Variants in DSCAML1 observed in about 807,000 individuals in gnomAD.
DSCAML1 encodes the protein cell adhesion molecule DSCAML1.
In DSCAML1, 38 loss-of-function variants were observed where a neutral mutation model predicts 200.5. That is an observed-to-expected ratio of 0.19 (90% CI 0.15 to 0.25). DSCAML1 has a LOEUF of 0.25. DSCAML1 is among the 10% of genes least tolerant of loss of function. DSCAML1 has a pLI of 1.00. For synonymous variants in DSCAML1, 1,215 were observed against 1,165.0 expected (o/e 1.04, Z -0.87); for missense variants, 2,223 against 2,858.8 (o/e 0.78, Z 5.07).
chr11:117,736,178 T>C (rs1226710477), intron 3 of DSCAML1, among the ~76,000 whole-genome samples: 8 of 152,198 alleles, frequency 5.3e-5, no homozygotes. Flanking sequence ...GTTTAGGGTC[T>C]CTCATGAGAC....
chr11:117,776,853 G>A lies in DSCAML1; in HGVS notation c.449C>T (p.Ser150Phe). 1.2e-6 allele frequency: 2 copies of A among 1,614,208 alleles called. No homozygotes were observed. Among genetic ancestry groups the A allele is most frequent in the Non-Finnish European group, 1.7e-6 (2 of 1,180,040 alleles). Reference protein sequence around the residue: ...NVAVFKCLIPSSVQEYVSVVS... With the variant: ...NVAVFKCLIPFSVQEYVSVVS... ...AACGCTAACATATTCCTGCACTGAA[G>A]AGGGGATGAGGCACTTGAAGACGGC... The change falls in exon 3 of 33, where the codon TCT (serine) becomes TTT (phenylalanine). Residue 150 changes from serine to phenylalanine, a missense_variant. By Grantham distance (155) the Ser-to-Phe change is radical. Around this residue, in one of 7 missense-constraint regions of DSCAML1, gnomAD observed 579 missense variants for 721.5 expected, o/e 0.80. Coordinates refer to ENST00000651296, the MANE Select transcript of DSCAML1 (RefSeq NM_020693.4).
rs2049186123 is a variant in DSCAML1, at chr11:117,491,745, G to T, written c.2360-9583C>A. Among the ~76,000 whole-genome samples, 6 of 152,324 alleles carry T rather than the reference G, an allele frequency of 3.9e-5. No homozygotes were observed. The South Asian group carries it at 1.2e-3, about 32-fold the overall frequency. On this transcript the variant is annotated intron_variant, in intron 11 of 32. Transcript: ENST00000651296. The stretch of plus-strand genomic sequence containing the variant: ...GCTGAGGTTGCACCACTGCACTCCA[G>T]CCTGTACAACAGAGTGAGACTCTGT...
At chr11:117,490,290 T>G (rs1014860943) in intron 11 of DSCAML1, among the ~76,000 whole-genome samples, 2 of 152,180 alleles carry the variant, frequency 1.3e-5, no homozygotes, top group Non-Finnish European at 2.9e-5. Flanking sequence ...CTGTCACCCC[T>G]GAGGTCCTGC....
intron 3 of DSCAML1, among the ~76,000 whole-genome samples, chr11:117,748,757 G>C (rs1295734913): frequency 7.9e-5 from 12 of 152,194 alleles, no homozygotes; most frequent in Admixed American, 7.9e-4. Context: ...CCTGCTCAGG[G>C]AGACCTGACC....
intron 1 of DSCAML1, among the ~76,000 whole-genome samples, chr11:117,796,588 T>C (rs901448685): frequency 1.3e-5 from 2 of 152,120 alleles, no homozygotes; most frequent in African/African-American, 2.4e-5. Flanking sequence ...CGCACGGACA[T>C]AGCGGAGGAA....
intron 3 of DSCAML1, among the ~76,000 whole-genome samples, chr11:117,639,896 TG>T (rs931696839): frequency 1.3e-5 from 2 of 151,366 alleles, no homozygotes; most frequent in African/African-American, 4.8e-5. Flanking sequence ...CGCCAATGCC[TG>T]GCCTTTATGT....
At chr11:117,687,894 C>T (rs949637796) in intron 3 of DSCAML1, among the ~76,000 whole-genome samples, 1 of 152,106 alleles carries the variant, frequency 6.6e-6, no homozygotes, top group Non-Finnish European at 1.5e-5. Flanking sequence ...TGGATCTGAC[C>T]ACATTTGTCC....
intron 4 of DSCAML1, among the ~76,000 whole-genome samples, chr11:117,531,830 T>C (rs1299837894): frequency 2.6e-5 from 4 of 151,070 alleles, no homozygotes; most frequent in Non-Finnish European, 5.9e-5. Context: ...AAGTTACAGT[T>C]AGCCAAGATC....
chr11:117,530,727 C>CA (rs1303809794), intron 4 of DSCAML1, among the ~76,000 whole-genome samples: 3 of 152,042 alleles, frequency 2.0e-5, no homozygotes, highest in East Asian at 3.9e-4. Flanking sequence ...TGGGTCAGGG[C>CA]AGAGCTCATC....
intron 3 of DSCAML1, among the ~76,000 whole-genome samples, chr11:117,543,216 A>T (rs531713925): frequency 6.6e-6 from 1 of 152,324 alleles, no homozygotes; most frequent in East Asian, 1.9e-4. Flanking sequence ...TCCTGCCATG[A>T]TCAGTTGCCA....
intron 3 of DSCAML1, among the ~76,000 whole-genome samples, chr11:117,547,807 A>C (rs1245476227): frequency 6.6e-6 from 1 of 152,162 alleles, no homozygotes. Flanking sequence ...TATTTTTCTC[A>C]GGATGAAGAC....
chr11:117,735,985 A>T (rs918789231), intron 3 of DSCAML1, among the ~76,000 whole-genome samples: 1 of 152,154 alleles, frequency 6.6e-6, no homozygotes, highest in African/African-American at 2.4e-5. Context: ...CCCAACCCCT[A>T]TCTATAGGGC....
chr11:117,798,711 T>C (rs913316590), upstream of DSCAML1, among the ~76,000 whole-genome samples: 1 of 152,164 alleles, frequency 6.6e-6, no homozygotes, highest in Non-Finnish European at 1.5e-5. Context: ...ATAAAGTATG[T>C]ATCCTTTTGT....
intron 3 of DSCAML1, among the ~76,000 whole-genome samples, chr11:117,589,718 A>C (rs2051221309): frequency 6.6e-6 from 1 of 152,230 alleles, no homozygotes; most frequent in African/African-American, 2.4e-5. Context: ...AGGTACGGAA[A>C]GCTTTCAAAC....
chr11:117,434,258 TCCAA>T (rs746180187), intron 27 of DSCAML1, among the ~76,000 whole-genome samples: 4 of 151,734 alleles, frequency 2.6e-5, no homozygotes, highest in African/African-American at 7.3e-5. Flanking sequence ...CATTCATCCA[TCCAA>T]CCAACCATTA....
At chr11:117,514,280 C>T (rs556802320) in intron 8 of DSCAML1, among the ~76,000 whole-genome samples, 18 of 152,236 alleles carry the variant, frequency 1.2e-4, no homozygotes, top group Non-Finnish European at 2.1e-4. Flanking sequence ...CCCCAGCTTC[C>T]CCTCCCCACT....
chr11:117,781,018 C>A (rs567614465), intron 1 of DSCAML1, among the ~76,000 whole-genome samples: 6 of 152,142 alleles, frequency 3.9e-5, no homozygotes, highest in East Asian at 3.8e-4. Flanking sequence ...CCACAGCCTT[C>A]GGGTGCGGCG....
At chr11:117,490,515 C>A (rs1003088168) in intron 11 of DSCAML1, among the ~76,000 whole-genome samples, 1 of 152,208 alleles carries the variant, frequency 6.6e-6, no homozygotes, top group East Asian at 1.9e-4. Context: ...ACCCCCAGAT[C>A]CCCGCTTCCA....
At chr11:117,581,177 A>G (rs1036499547) in intron 3 of DSCAML1, among the ~76,000 whole-genome samples, 3 of 152,178 alleles carry the variant, frequency 2.0e-5, no homozygotes, top group African/African-American at 7.2e-5. Flanking sequence ...TGAGGCAGGA[A>G]GGGTCTCCCC....
Sources: allele counts gnomAD v4.1 joint callset (sites outside exome capture counted in the v4.1 genomes callset), GRCh38; gene constraint gnomAD v4.1.1; regional missense constraint gnomAD v4.1.1; transcripts MANE v1.5; gene names NCBI Gene and HGNC (gene_info 2026-07-23, HGNC 2026-07-21).